The following CACNA1D variants were observed in gnomAD, a reference collection of about 807,000 sequenced individuals.
The protein encoded by CACNA1D is calcium voltage-gated channel subunit alpha1 D.
CACNA1D carries 55 observed loss-of-function variants against 257.1 expected under a neutral mutation model. The ratio of observed to expected loss-of-function variants is 0.21; its 90% CI spans 0.17 to 0.27. CACNA1D has a LOEUF of 0.27. CACNA1D is among the 10% of genes least tolerant of loss of function. The pLI, the probability that CACNA1D is intolerant of heterozygous loss-of-function variation, is 1.00. For synonymous variants in CACNA1D, 980 were observed against 1,014.9 expected (o/e 0.97, Z 0.65); for missense variants, 1,876 against 2,784.0 (o/e 0.67, Z 7.34).
chr3:53,787,425 CTGTGTG>C (rs3217446), intron 40 of CACNA1D, among the ~76,000 whole-genome samples: 3 of 136,150 alleles, frequency 2.2e-5, no homozygotes, highest in Admixed American at 7.4e-5. Context: ...AGTATGTATT[CTGTGTG>C]TGTGTGTGTG....
At chr3:53,498,145 G>C (rs1022249385) in intron 2 of CACNA1D, among the ~76,000 whole-genome samples, 4 of 152,168 alleles carry the variant, frequency 2.6e-5, no homozygotes, top group Admixed American at 6.5e-5. Context: ...GCCAGTGAAG[G>C]GAGAGGCTCG....
In CACNA1D at chr3:53,802,248, G is replaced by A. The variant is rs1486451916; in HGVS notation, c.5435+75G>A. On this transcript the variant is annotated intron_variant, in intron 43 of 47. Transcript: ENST00000350061. ...CCAGCTGGCCTCTCTGAGTGCTGAAGAATGAGAAACACTTCTTTGAGCCAG... is the reference window on the plus strand; with the variant it reads ...CCAGCTGGCCTCTCTGAGTGCTGAAAAATGAGAAACACTTCTTTGAGCCAG... 3.5e-6 allele frequency: 4 copies of A among 1,155,586 alleles called. No homozygotes were observed. In the East Asian group the frequency reaches 7.0e-5, roughly 20 times the overall value. 71.6% of individuals were successfully genotyped at this position (1,155,586 alleles called of 1,614,324 possible).
intron 3 of CACNA1D, among the ~76,000 whole-genome samples, chr3:53,592,101 G>T (rs1425312457): frequency 6.6e-6 from 1 of 152,228 alleles, no homozygotes; most frequent in Non-Finnish European, 1.5e-5. Context: ...GAGCAGCAGT[G>T]AACCAAATAG....
At chr3:53,801,513 G>A (rs867281725) in intron 42 of CACNA1D, 88 bp downstream of exon 42, 7 of 1,539,126 alleles carry the variant, frequency 4.5e-6, no homozygotes, top group Non-Finnish European at 5.3e-6. Flanking sequence ...TCTGTGCTCT[G>A]TGCTCTGGGG....
chr3:53,540,652 C>A (rs943945533), intron 3 of CACNA1D, among the ~76,000 whole-genome samples: 1 of 151,922 alleles, frequency 6.6e-6, no homozygotes, highest in Admixed American at 6.6e-5. Flanking sequence ...TTGTTTGCAC[C>A]TTACTTTTTC....
At chr3:53,632,240 T>C (rs1306114671) in intron 3 of CACNA1D, among the ~76,000 whole-genome samples, 1 of 152,250 alleles carries the variant, frequency 6.6e-6, no homozygotes, top group Non-Finnish European at 1.5e-5. Flanking sequence ...CAGCACTTAC[T>C]GCTTCACCTT....
chr3:53,567,955 G>C (rs185899481), intron 3 of CACNA1D, among the ~76,000 whole-genome samples: 132 of 152,246 alleles, frequency 8.7e-4, no homozygotes, highest in African/African-American at 3.1e-3. Context: ...AGCATGGTGC[G>C]GGCAGAGCAC....
intron 15 of CACNA1D, 51 bp from the exon 16 acceptor site, chr3:53,730,391 G>A (rs370548954): frequency 7.3e-5 from 89 of 1,225,658 alleles, no homozygotes; most frequent in African/African-American, 4.6e-4. Context: ...ATTGTTGGCC[G>A]CACGTAGTTG....
rs530160702 is a variant in CACNA1D at position 53,746,655 on chromosome 3, C to T, written c.3168-647C>T. 2.2e-3 allele frequency among the ~76,000 whole-genome samples: 337 copies of T among 152,264 alleles called. 2 individuals carry two copies. Among genetic ancestry groups the T allele is most frequent in the African/African-American group, 7.5e-3 (311 of 41,544 alleles). On this transcript the variant is annotated intron_variant, in intron 25 of 47. Transcript: ENST00000350061. ...TGTGTCTCTGCACCTCCAGAGGCACCGTTCACACACCGTTCATGGCGTCCC... is the reference window on the plus strand; with the variant it reads ...TGTGTCTCTGCACCTCCAGAGGCACTGTTCACACACCGTTCATGGCGTCCC...
rs887183024 is a variant in CACNA1D at position 53,751,994 on chromosome 3, C to G, written c.3675+87C>G. ...ATGCTGAGGGTGGAATGCTGCCCCT[C>G]ACAGGAGGGGTTTGATTTTTCTGAT... On this transcript the variant is annotated intron_variant, in intron 28 of 47. Coordinates refer to ENST00000350061, the MANE Select transcript of CACNA1D (RefSeq NM_001128840.3). This position sits in a 1 kb window ranked among gnomAD's most constrained non-coding sequence, Gnocchi z 4.3. The G allele has an allele frequency of 2.9e-5, 38 of 1,333,274 alleles. No homozygotes were observed. The highest frequency in any genetic ancestry group is 2.0e-4 in the Middle Eastern group (1 of 4,934). The allele number at this position is 1,333,274 out of a possible 1,614,324, so 82.6% of individuals were successfully genotyped here. A position where few individuals can be genotyped will look rare whatever the true frequency, so the allele number is the denominator to read the frequency against.
At chr3:53,615,057 G>A (rs919865154) in intron 3 of CACNA1D, among the ~76,000 whole-genome samples, 1 of 152,190 alleles carries the variant, frequency 6.6e-6, no homozygotes, top group African/African-American at 2.4e-5. Context: ...CAGGCAAATA[G>A]AAAATATGCA....
chr3:53,548,389 A>G (rs1163792699), intron 3 of CACNA1D, among the ~76,000 whole-genome samples: 2 of 147,366 alleles, frequency 1.4e-5, no homozygotes, highest in African/African-American at 2.5e-5. Context: ...ATCTTTAAAG[A>G]ATCCATTTTA....
intron 3 of CACNA1D, among the ~76,000 whole-genome samples, chr3:53,535,125 G>C (rs544828081): frequency 1.3e-4 from 20 of 152,312 alleles, no homozygotes; most frequent in African/African-American, 4.8e-4. Context: ...ACAAGGACCA[G>C]CAGAGACCTA....
rs2095418330 is a variant in CACNA1D, at chr3:53,780,148, A to G, written c.4690+20A>G. 6.5e-7 allele frequency: 1 copy of G among 1,546,188 alleles called. No homozygotes were observed. Among genetic ancestry groups the G allele is most frequent in the African/African-American group, 1.4e-5 (1 of 73,578 alleles). On this transcript the variant is annotated intron_variant, in intron 38 of 47. Coordinates refer to ENST00000350061, the MANE Select transcript of CACNA1D (RefSeq NM_001128840.3). Reference sequence around the variant, plus strand: ...CCGAAGGTGAGCATTCCCTGCCAGCAAGACAAGATGGCAGGAAAGGAGAGA... The same window carrying G: ...CCGAAGGTGAGCATTCCCTGCCAGCGAGACAAGATGGCAGGAAAGGAGAGA...
Position 53,801,169 on chromosome 3 carries a change from A to G in CACNA1D, c.5152A>G (p.Ile1718Val), listed in dbSNP as rs1318276697. 4 of 1,613,750 alleles carry G rather than the reference A, an allele frequency of 2.5e-6. No individual in the cohort carries two copies. Among genetic ancestry groups the G allele is most frequent in the Non-Finnish European group, 3.4e-6 (4 of 1,179,856 alleles). Residue 1718 changes from isoleucine to valine, a missense_variant, in exon 42 of 48, where the codon ATT becomes GTT. Transcript: ENST00000350061. Reference sequence around the variant, plus strand: ...TCCCCTGCATGTCCAAAGGCCTTCAATTCCACCTGCAAGTGATACTGAGAA... The same window carrying G: ...TCCCCTGCATGTCCAAAGGCCTTCAGTTCCACCTGCAAGTGATACTGAGAA... ...HRPLHVQRPSIPPASDTEKPL... is the reference protein window; with the variant it reads ...HRPLHVQRPSVPPASDTEKPL...
intron 3 of CACNA1D, among the ~76,000 whole-genome samples, chr3:53,528,022 T>C (rs2091826826): frequency 1.3e-5 from 2 of 152,160 alleles, no homozygotes; most frequent in Admixed American, 1.3e-4. Flanking sequence ...TGGAGAGAAA[T>C]CTAGTTTATT....
chr3:53,549,805 A>C (rs1253009846), intron 3 of CACNA1D, among the ~76,000 whole-genome samples: 4 of 152,200 alleles, frequency 2.6e-5, no homozygotes, highest in African/African-American at 9.7e-5. Context: ...GTTTCAGATC[A>C]ATTTATCATA....
At chr3:53,772,671 A>G (rs1441071545) in intron 32 of CACNA1D, among the ~76,000 whole-genome samples, 162 bp from the exon 33 acceptor site, 1 of 152,240 alleles carries the variant, frequency 6.6e-6, no homozygotes, top group Non-Finnish European at 1.5e-5. Flanking sequence ...GTAGTTGGGC[A>G]GGGCTGGGAT....
rs896464388 is a variant in CACNA1D, at chr3:53,710,329, C to T, written c.1390+7519C>T. The T allele has an allele frequency of 1.4e-5, 6 of 443,606 alleles. No individual in the cohort carries two copies. The Admixed American group carries it at 1.4e-4, about 11-fold the overall frequency. The allele number at this position is 443,606 out of a possible 1,614,324, so 27.5% of individuals were successfully genotyped here. ...GCTGGCAGGGCTGGCCGCGTGGGGCCCTGGTTTGGCTGCTGTTGCTGCCCT... is the reference window on the plus strand; with the variant it reads ...GCTGGCAGGGCTGGCCGCGTGGGGCTCTGGTTTGGCTGCTGTTGCTGCCCT... On this transcript the variant is annotated intron_variant, in intron 9 of 47. Transcript: ENST00000350061.
Sources: allele counts gnomAD v4.1 joint callset (sites outside exome capture counted in the v4.1 genomes callset), GRCh38; gene constraint gnomAD v4.1.1; non-coding constraint Gnocchi (gnomAD v3.1); transcripts MANE v1.5; gene names NCBI Gene and HGNC (gene_info 2026-07-23, HGNC 2026-07-21).